The following DNER variants were observed in gnomAD, a reference collection of about 807,000 sequenced individuals.
DNER encodes delta/notch like EGF repeat containing, also known as delta and Notch-like epidermal growth factor-related receptor.
Under a neutral mutation model 78.2 loss-of-function variants are expected in DNER, and 33 were observed. The observed-to-expected ratio is 0.42, with a 90% confidence interval of 0.32 to 0.56. The LOEUF is 0.56. Ranked by LOEUF, DNER falls within the 20% of genes least tolerant of loss-of-function variation. DNER has a pLI of 0.11. For missense variants in DNER, 918 were observed against 975.3 expected (o/e 0.94, Z 0.78); for synonymous variants, 417 against 384.8 (o/e 1.08, Z -0.98).
intron 1 of DNER, among the ~76,000 whole-genome samples, chr2:229,696,822 C>T (rs991488095): frequency 1.3e-5 from 2 of 152,030 alleles, no homozygotes; most frequent in African/African-American, 2.4e-5. Flanking sequence ...ACCCAGGTAA[C>T]GACAGTAGCA....
At chr2:229,556,347 C>T (rs914442991) in intron 4 of DNER, among the ~76,000 whole-genome samples, 1 of 152,166 alleles carries the variant, frequency 6.6e-6, no homozygotes, top group Non-Finnish European at 1.5e-5. Context: ...TTTGCAGGAG[C>T]TTTTTCAAAG....
intron 1 of DNER, among the ~76,000 whole-genome samples, chr2:229,637,366 A>G (rs1020635494): frequency 6.6e-6 from 1 of 152,204 alleles, no homozygotes; most frequent in Non-Finnish European, 1.5e-5. Flanking sequence ...CTTGGTCCAT[A>G]GTGGTGTGCT....
chr2:229,471,916 A>G (rs10933301), intron 7 of DNER, among the ~76,000 whole-genome samples: 1 of 152,026 alleles, frequency 6.6e-6, no homozygotes, highest in African/African-American at 2.4e-5. Context: ...TCCACTCTAC[A>G]GCCTCGTCAC....
intron 1 of DNER, 65 bp downstream of exon 1, chr2:229,714,083 G>A: frequency 8.1e-7 from 1 of 1,233,436 alleles, no homozygotes; most frequent in African/African-American, 1.6e-5. Flanking sequence ...CAGCAGCAGG[G>A]CCGGCGGGAA....
chr2:229,677,999 C>T lies in DNER; in HGVS notation c.276+36149G>A, dbSNP rs538338792. ...ACATGGGGAAAGAAGTTTGTTGATC[C>T]TAACAAAGCATAAATTGCACTCATA... On this transcript the variant is annotated intron_variant, in intron 1 of 12. Transcript: ENST00000341772. Among the ~76,000 whole-genome samples the T allele has an allele frequency of 3.6e-4, 55 of 152,266 alleles. 2 individuals carry two copies. The South Asian group carries it at 0.01, about 28-fold the overall frequency.
At chr2:229,456,099 C>T (rs952938902) in intron 7 of DNER, among the ~76,000 whole-genome samples, 20 of 151,948 alleles carry the variant, frequency 1.3e-4, no homozygotes, top group East Asian at 3.9e-4. Context: ...AATTGGCTGA[C>T]GGTTCTGCAG....
chr2:229,393,946 A>G (rs1347155390), intron 10 of DNER, among the ~76,000 whole-genome samples: 1 of 152,244 alleles, frequency 6.6e-6, no homozygotes, highest in Non-Finnish European at 1.5e-5. Context: ...TCAGAATCCT[A>G]GAGAAAGGAT....
rs1574808310 is a variant in DNER, at chr2:229,367,137, C to T, written c.1856-18G>A. ...TTGGAGGTCTGCAGGCAAAAATAAG[C>T]AAATGGCTGGGTATGAGTTGTCACC... On this transcript the variant is annotated intron_variant, in intron 11 of 12. Coordinates refer to ENST00000341772, the MANE Select transcript of DNER (RefSeq NM_139072.4). 1.2e-6 allele frequency: 2 copies of T among 1,613,752 alleles called. No individual in the cohort carries two copies. Among genetic ancestry groups the T allele is most frequent in the Non-Finnish European group, 1.7e-6 (2 of 1,179,842 alleles).
At chr2:229,495,916 G>A (rs772356605) in intron 6 of DNER, among the ~76,000 whole-genome samples, 2 of 152,176 alleles carry the variant, frequency 1.3e-5, no homozygotes, top group Non-Finnish European at 2.9e-5. Flanking sequence ...AGTATCACCT[G>A]GTGGGAGGTT....
intron 1 of DNER, among the ~76,000 whole-genome samples, chr2:229,624,235 A>AAACAC (rs778646651): frequency 1.3e-5 from 2 of 152,216 alleles, no homozygotes; most frequent in Non-Finnish European, 2.9e-5. Context: ...AACAAAAGGA[A>AAACAC]AACACAACTC....
At chr2:229,358,802 T>G in intron 12 of DNER, 151 bp from the exon 13 acceptor site, 4 of 633,652 alleles carry the variant, frequency 6.3e-6, no homozygotes, top group Non-Finnish European at 1.1e-5. Context: ...CATCCTAATA[T>G]TAACACTGAA....
intron 1 of DNER, among the ~76,000 whole-genome samples, chr2:229,636,132 G>A (rs763682522): frequency 6.6e-6 from 1 of 152,136 alleles, no homozygotes; most frequent in Non-Finnish European, 1.5e-5. Flanking sequence ...ATTGTTTGCT[G>A]GTGCAAACCG....
At chr2:229,408,394 GTCTC>G (rs946837610) in intron 9 of DNER, among the ~76,000 whole-genome samples, 1 of 151,688 alleles carries the variant, frequency 6.6e-6, no homozygotes, top group Non-Finnish European at 1.5e-5. Context: ...ATAGATTAGT[GTCTC>G]TCTCTCTCTC....
At chr2:229,396,073 C>T (rs1157219621) in intron 10 of DNER, among the ~76,000 whole-genome samples, 1 of 151,986 alleles carries the variant, frequency 6.6e-6, no homozygotes, top group South Asian at 2.1e-4. Flanking sequence ...TTTGGATTGA[C>T]AGTCTAAAGG....
At chr2:229,424,543 C>T (rs991731475) in intron 8 of DNER, among the ~76,000 whole-genome samples, 2 of 152,128 alleles carry the variant, frequency 1.3e-5, no homozygotes, top group Non-Finnish European at 2.9e-5. Flanking sequence ...TGAGGCCTCT[C>T]CCCTTGGCTT....
At chr2:229,447,205 A>T in intron 8 of DNER, 111 bp downstream of exon 8, 1 of 1,106,544 alleles carries the variant, frequency 9.0e-7, no homozygotes, top group African/African-American at 1.6e-5. Flanking sequence ...ACCAGTAAGT[A>T]TACCACTTTT....
intron 6 of DNER, among the ~76,000 whole-genome samples, chr2:229,500,021 C>T (rs1225146867): frequency 6.6e-6 from 1 of 151,756 alleles, no homozygotes; most frequent in Non-Finnish European, 1.5e-5. Flanking sequence ...GCAACCTCCA[C>T]CTCCCAGGTT....
At chr2:229,655,893 C>T (rs1475905842) in intron 1 of DNER, among the ~76,000 whole-genome samples, 3 of 152,084 alleles carry the variant, frequency 2.0e-5, no homozygotes, top group Non-Finnish European at 4.4e-5. Context: ...CGTGTAAAGA[C>T]CCACATGAAG....
chr2:229,473,167 C>T (rs1694961234), intron 7 of DNER, among the ~76,000 whole-genome samples: 1 of 152,198 alleles, frequency 6.6e-6, no homozygotes, highest in African/African-American at 2.4e-5. Context: ...ATTTTAACAG[C>T]TTTCCAGCCT....
Sources: gnomAD v4.1 joint callset for allele counts (sites outside exome capture counted in the v4.1 genomes callset) on GRCh38, gnomAD v4.1.1 for gene constraint, MANE v1.5 for transcripts, NCBI Gene and HGNC (gene_info 2026-07-23, HGNC 2026-07-21) for gene names.